The following PIK3CA variants were observed in gnomAD, a reference collection of about 807,000 sequenced individuals.
PIK3CA encodes phosphatidylinositol-4,5-bisphosphate 3-kinase catalytic subunit alpha, also known as phosphatidylinositol 4,5-bisphosphate 3-kinase catalytic subunit alpha isoform.
PIK3CA carries 27 observed loss-of-function variants against 138.2 expected under a neutral mutation model. The observed-to-expected ratio is 0.20, with a 90% CI of 0.14 to 0.27. PIK3CA has a LOEUF of 0.27. PIK3CA is among the 10% of genes least tolerant of loss of function. The pLI, the probability that PIK3CA is intolerant of heterozygous loss-of-function variation, is 1.00. For missense variants in PIK3CA, 544 were observed against 1,277.4 expected (o/e 0.43, Z 8.75); for synonymous variants, 358 against 413.2 (o/e 0.87, Z 1.62).
At chr3:179,201,678 T>C (rs2108390674) in intron 4 of PIK3CA, 138 bp downstream of exon 4, 3 of 582,392 alleles carry the variant, frequency 5.2e-6, no homozygotes, top group Non-Finnish European at 8.8e-6. Flanking sequence ...CGATCTCGGC[T>C]CACTGCAGGC....
chr3:179,213,457 G>A (rs554110246), intron 9 of PIK3CA, among the ~76,000 whole-genome samples: 1 of 152,318 alleles, frequency 6.6e-6, no homozygotes, highest in African/African-American at 2.4e-5. Context: ...TCTTTTTGCT[G>A]GTGGAGGGTC....
chr3:179,149,739 CAG>C (rs377414362), intron 1 of PIK3CA: 25 of 152,246 alleles, frequency 1.6e-4, no homozygotes, highest in Non-Finnish European at 2.4e-4. Flanking sequence ...CAGGTTATCT[CAG>C]GGGATTATTT....
intron 9 of PIK3CA, among the ~76,000 whole-genome samples, chr3:179,214,192 C>T (rs1397707142): frequency 6.6e-6 from 1 of 152,170 alleles, no homozygotes; most frequent in Non-Finnish European, 1.5e-5. Flanking sequence ...TTTTCCTTTG[C>T]ATTCACAACT....
intron 9 of PIK3CA, among the ~76,000 whole-genome samples, chr3:179,214,448 G>A (rs1724791570): frequency 6.6e-6 from 1 of 152,108 alleles, no homozygotes; most frequent in Non-Finnish European, 1.5e-5. Context: ...GAAGAAGTCA[G>A]AACATGCAAC....
At chr3:179,202,052 T>G (rs1159567105) in intron 4 of PIK3CA, among the ~76,000 whole-genome samples, 1 of 152,076 alleles carries the variant, frequency 6.6e-6, no homozygotes, top group Non-Finnish European at 1.5e-5. Flanking sequence ...TCCATGGGGT[T>G]GTTGTTTTTG....
rs1016789372 is a variant in PIK3CA, at chr3:179,188,686, T to G, written c.-76-10064T>G. Among the ~76,000 whole-genome samples the G allele has an allele frequency of 3.3e-5, 5 of 152,228 alleles. No homozygotes were observed. In the East Asian group the frequency reaches 7.7e-4, roughly 23 times the overall value. Reference sequence around the variant, plus strand: ...CCCTTCCTCCTAGGAAAGAAAGAAATAAAATAATTAAATAAGAAAAATATT... The same window carrying G: ...CCCTTCCTCCTAGGAAAGAAAGAAAGAAAATAATTAAATAAGAAAAATATT... On this transcript the variant is annotated intron_variant, in intron 1 of 20. Coordinates refer to ENST00000263967, the MANE Select transcript of PIK3CA (RefSeq NM_006218.4).
In PIK3CA at chr3:179,201,813, A is replaced by C. The variant is rs1045833701; in HGVS notation, c.813+273A>C. ...GTAGAGACAGGTTTTGCACCATGTT[A>C]TCTAGGATAGTCTTGATCTCCTGAC... On this transcript the variant is annotated intron_variant, in intron 4 of 20. Coordinates refer to ENST00000263967, the MANE Select transcript of PIK3CA (RefSeq NM_006218.4). Among the ~76,000 whole-genome samples the C allele has an allele frequency of 2.6e-5, 4 of 151,950 alleles. 1 individual carries two copies. The highest frequency in any genetic ancestry group is 9.6e-5 in the African/African-American group (4 of 41,452).
At position 179,169,254 on chromosome 3, in the gene PIK3CA, C is replaced by T. The variant is rs893288914; in HGVS notation, c.-77+20651C>T. ...TTTCTCTCCCCCTGCCTTCTCCCCT[C>T]CCCTAATTTTTCTGGTCTCCTGCAA... On this transcript the variant is annotated intron_variant, in intron 1 of 20. Transcript: ENST00000263967. 3.9e-5 allele frequency: 6 copies of T among 152,296 alleles called. No individual in the cohort carries two copies. The East Asian group carries it at 1.2e-3, about 29-fold the overall frequency. The allele number at this position is 152,296 out of a possible 1,614,324, so 9.4% of individuals were successfully genotyped here.
chr3:179,207,079 C>T (rs4854957), intron 6 of PIK3CA, among the ~76,000 whole-genome samples: 142,214 of 152,242 alleles, frequency 0.93, 66,579 homozygotes, highest in East Asian at 1. Context: ...TTTAAGTAAA[C>T]TTTTTAAACT....
intron 1 of PIK3CA, among the ~76,000 whole-genome samples, chr3:179,183,003 C>T (rs879357622): frequency 6.6e-6 from 1 of 152,194 alleles, no homozygotes; most frequent in Non-Finnish European, 1.5e-5. Context: ...CACATCTTAG[C>T]TAGGTGACAC....
chr3:179,181,442 A>C (rs76229466), intron 1 of PIK3CA, among the ~76,000 whole-genome samples: 24 of 152,264 alleles, frequency 1.6e-4, no homozygotes, highest in African/African-American at 5.8e-4. Context: ...AGTGATGGGT[A>C]AGAACACTAG....
chr3:179,182,469 A>G (rs1723871293), intron 1 of PIK3CA, among the ~76,000 whole-genome samples: 1 of 152,080 alleles, frequency 6.6e-6, no homozygotes, highest in Non-Finnish European at 1.5e-5. Context: ...GGAGTTCAAG[A>G]TCAGCCTGGG....
intron 1 of PIK3CA, among the ~76,000 whole-genome samples, chr3:179,170,787 A>C (rs189723584): frequency 7.9e-5 from 12 of 152,260 alleles, no homozygotes; most frequent in Admixed American, 5.9e-4. Context: ...AGAGAGGCAC[A>C]AAATGCATGA....
intron 18 of PIK3CA, 27 bp downstream of exon 18, chr3:179,229,469 T>C (rs202098684): frequency 3.8e-6 from 6 of 1,576,716 alleles, no homozygotes; most frequent in East Asian, 2.3e-5. Flanking sequence ...TTTCTTCCTA[T>C]GTTAATCTAA....
At chr3:179,169,080 C>T (rs1212475474) in intron 1 of PIK3CA, 1 of 152,082 alleles carries the variant, frequency 6.6e-6, no homozygotes, top group Non-Finnish European at 1.5e-5. Context: ...TTATGAGTGG[C>T]TGAGTCATAT....
intron 1 of PIK3CA, among the ~76,000 whole-genome samples, chr3:179,164,594 G>A (rs1361015372): frequency 6.6e-6 from 1 of 152,116 alleles, no homozygotes; most frequent in Non-Finnish European, 1.5e-5. Context: ...CCGGCTGGGC[G>A]TGGTGCCTCA....
chr3:179,221,019 G>A lies in PIK3CA; in HGVS notation c.2049G>A (p.Arg683=), dbSNP rs775001064. The A allele has an allele frequency of 5.0e-6, 8 of 1,613,122 alleles. No homozygotes were observed. In the Admixed American group the frequency reaches 1.3e-4, roughly 27 times the overall value. ...TGCACAATAAAACAGTTAGCCAGAG[G>A]TTTGGCCTGCTTTTGGAGTCCTATT... The part of the protein sequence containing the change: ...SEMHNKTVSQ[R]FGLLLESYCR... Residue 683 remains arginine, a synonymous_variant, in exon 14 of 21, where the codon AGG becomes AGA. Coordinates refer to ENST00000263967, the MANE Select transcript of PIK3CA (RefSeq NM_006218.4).
chr3:179,220,440 AAAAC>A lies in PIK3CA; in HGVS notation c.2015+391_2015+394del, dbSNP rs1241138695. On this transcript the variant is annotated intron_variant, in intron 13 of 20. Transcript: ENST00000263967. The surrounding 1 kb of genome is among the most constrained non-coding windows in gnomAD (Gnocchi z 4.1). ...GTCAAACTCCCGTGGTTCTTACTGA[AAAAC>A]AAGCTAATTAAGAATAAAAAATGTT... Among the ~76,000 whole-genome samples, 2 of 152,204 alleles carry A rather than the reference AAAAC, an allele frequency of 1.3e-5. No individual in the cohort carries two copies. The highest frequency in any genetic ancestry group is 2.4e-5 in the African/African-American group (1 of 41,464).
chr3:179,149,958 G>T (rs1722968321), intron 1 of PIK3CA, among the ~76,000 whole-genome samples: 1 of 151,766 alleles, frequency 6.6e-6, no homozygotes, highest in African/African-American at 2.4e-5. Context: ...TGCTTTCAAA[G>T]CAACTACAGT....
Sources: allele counts gnomAD v4.1 joint callset (sites outside exome capture counted in the v4.1 genomes callset), GRCh38; gene constraint gnomAD v4.1.1; non-coding constraint Gnocchi (gnomAD v3.1); transcripts MANE v1.5; gene names NCBI Gene and HGNC (gene_info 2026-07-23, HGNC 2026-07-21).